The following MAML2 variants were observed in gnomAD, a reference collection of about 807,000 sequenced individuals.
MAML2 encodes the protein mastermind like transcriptional coactivator 2.
A neutral mutation model predicts 96.1 loss-of-function variants in MAML2; 22 were observed. The ratio of observed to expected loss-of-function variants is 0.23; its 90% CI spans 0.16 to 0.33. The LOEUF (loss-of-function observed/expected upper bound fraction) is 0.33, where lower values mean the gene tolerates loss of function less well. Ranked by LOEUF, MAML2 falls within the 10% of genes least tolerant of loss-of-function variation. The probability of loss-of-function intolerance (pLI) is 1.00; values close to 1 mark genes in which losing one functional copy is unlikely to be tolerated. For missense variants in MAML2, 1,367 were observed against 1,392.4 expected (o/e 0.98, Z 0.29); for synonymous variants, 561 against 521.3 (o/e 1.08, Z -1.04).
chr11:96,191,629 G>A (rs560092375), intron 1 of MAML2, among the ~76,000 whole-genome samples: 8 of 151,710 alleles, frequency 5.3e-5, no homozygotes, highest in Non-Finnish European at 7.4e-5. Context: ...AAAATTAGCC[G>A]GGCATGGTGG....
intron 1 of MAML2, among the ~76,000 whole-genome samples, chr11:96,339,280 T>G (rs1322615123): frequency 3.3e-5 from 5 of 152,122 alleles, no homozygotes; most frequent in African/African-American, 1.2e-4. Context: ...AGCAGTAAGC[T>G]TTCAGTCGGG....
At chr11:96,142,150 C>G (rs1157076836) in intron 1 of MAML2, among the ~76,000 whole-genome samples, 1 of 152,102 alleles carries the variant, frequency 6.6e-6, no homozygotes, top group East Asian at 1.9e-4. Flanking sequence ...TAATAATTTG[C>G]AAGCACATAT....
chr11:96,141,307 T>A (rs1860726868), intron 1 of MAML2, among the ~76,000 whole-genome samples: 1 of 152,214 alleles, frequency 6.6e-6, no homozygotes, highest in African/African-American at 2.4e-5. Flanking sequence ...TATTTTAATA[T>A]TTAAATTTAA....
intron 1 of MAML2, among the ~76,000 whole-genome samples, chr11:96,139,160 C>T (rs954526055): frequency 1.1e-4 from 16 of 152,050 alleles, no homozygotes; most frequent in African/African-American, 2.7e-4. Context: ...CTTTGTACAG[C>T]GATCAGATAC....
At chr11:96,204,207 A>C (rs1351130736) in intron 1 of MAML2, among the ~76,000 whole-genome samples, 1 of 152,200 alleles carries the variant, frequency 6.6e-6, no homozygotes, top group Non-Finnish European at 1.5e-5. Flanking sequence ...CAAATGGAAG[A>C]CATGTGACAT....
At chr11:96,169,222 TG>T (rs35392024) in intron 1 of MAML2, among the ~76,000 whole-genome samples, 10,736 of 152,282 alleles carry the variant, frequency 0.071, 472 homozygotes, top group Non-Finnish European at 0.098. Context: ...AGTTTCCAAA[TG>T]TCAATCAATA....
chr11:96,059,463 T>C (rs767904877), intron 2 of MAML2, among the ~76,000 whole-genome samples: 2 of 152,180 alleles, frequency 1.3e-5, no homozygotes, highest in Non-Finnish European at 2.9e-5. Flanking sequence ...TTATGATAAA[T>C]TGTAAGGTTG....
chr11:96,161,233 T>C (rs2135889115), intron 1 of MAML2, among the ~76,000 whole-genome samples: 1 of 152,298 alleles, frequency 6.6e-6, no homozygotes, highest in East Asian at 1.9e-4. Flanking sequence ...GGGAGGAATG[T>C]GGTGGGGAAG....
intron 1 of MAML2, among the ~76,000 whole-genome samples, chr11:96,303,310 C>T (rs528537202): frequency 1.2e-3 from 179 of 152,258 alleles, no homozygotes; most frequent in Middle Eastern, 3.4e-3. Context: ...GTATAATTTA[C>T]CAATATAAAA....
intron 2 of MAML2, among the ~76,000 whole-genome samples, chr11:96,026,802 C>T (rs1446161917): frequency 7.2e-6 from 1 of 138,278 alleles, no homozygotes; most frequent in African/African-American, 2.8e-5. Context: ...CTAAGATGGT[C>T]CCAGCATTGC....
At chr11:96,056,373 T>C (rs1859069727) in intron 2 of MAML2, among the ~76,000 whole-genome samples, 4 of 140,044 alleles carry the variant, frequency 2.9e-5, no homozygotes, top group Non-Finnish European at 6.1e-5. Context: ...TTTAGTTTTA[T>C]GGCTATTTTC....
chr11:96,054,934 C>T (rs1313775382), intron 2 of MAML2, among the ~76,000 whole-genome samples: 2 of 152,104 alleles, frequency 1.3e-5, no homozygotes, highest in Non-Finnish European at 2.9e-5. Flanking sequence ...TACCTGGGGC[C>T]TGGGAAGTAG....
At chr11:95,993,012 C>T (rs1857936394) in intron 2 of MAML2, among the ~76,000 whole-genome samples, 1 of 151,996 alleles carries the variant, frequency 6.6e-6, no homozygotes, top group Admixed American at 6.6e-5. Context: ...TCCTAAAGTG[C>T]CTGGGACCAC....
intron 2 of MAML2, among the ~76,000 whole-genome samples, chr11:96,079,860 A>G (rs915715486): frequency 1.3e-5 from 2 of 152,220 alleles, no homozygotes; most frequent in African/African-American, 4.8e-5. Flanking sequence ...TCGTAGGACG[A>G]CAGCTGTATC....
chr11:96,145,014 T>C (rs913853273), intron 1 of MAML2, among the ~76,000 whole-genome samples: 10 of 152,212 alleles, frequency 6.6e-5, no homozygotes, highest in African/African-American at 2.2e-4. Context: ...ATAATATTAA[T>C]AATAATCCCT....
chr11:96,194,697 T>C (rs1171923569), intron 1 of MAML2, among the ~76,000 whole-genome samples: 1 of 152,280 alleles, frequency 6.6e-6, no homozygotes, highest in East Asian at 1.9e-4. Flanking sequence ...AAGAACTAAA[T>C]ACAAAATTCC....
chr11:96,267,192 G>A lies in MAML2; in HGVS notation c.513+74191C>T, dbSNP rs148194859. Among the ~76,000 whole-genome samples, 42 of 152,294 alleles carry A rather than the reference G, an allele frequency of 2.8e-4. 1 individual carries two copies. The Middle Eastern group carries it at 0.01, about 37-fold the overall frequency. ...ACAATAGTGGAGTCAGTGCCAAGCT[G>A]ATGAGTAAAGTACAGAAACACATTA... On this transcript the variant is annotated intron_variant, in intron 1 of 4. Coordinates refer to ENST00000524717, the MANE Select transcript of MAML2 (RefSeq NM_032427.4).
intron 1 of MAML2, among the ~76,000 whole-genome samples, chr11:96,314,005 T>C (rs948044960): frequency 2.0e-5 from 3 of 152,228 alleles, no homozygotes; most frequent in African/African-American, 7.2e-5. Context: ...ATTCATCTGG[T>C]GTTTCTGCTT....
At chr11:96,147,251 C>A (rs915595418) in intron 1 of MAML2, among the ~76,000 whole-genome samples, 1 of 152,188 alleles carries the variant, frequency 6.6e-6, no homozygotes. Flanking sequence ...CTCCCAGCTA[C>A]CCACAAATCC....
Sources: gnomAD v4.1 joint callset for allele counts (sites outside exome capture counted in the v4.1 genomes callset) on GRCh38, gnomAD v4.1.1 for gene constraint, MANE v1.5 for transcripts, NCBI Gene and HGNC (gene_info 2026-07-23, HGNC 2026-07-21) for gene names.